Variants in FRK observed in about 807,000 individuals in gnomAD.
FRK encodes fyn related Src family tyrosine kinase.
A neutral mutation model predicts 56.4 loss-of-function variants in FRK; 51 were observed. The observed-to-expected ratio is 0.90, with a 90% confidence interval of 0.72 to 1.14. The LOEUF (loss-of-function observed/expected upper bound fraction) is 1.14. Ranked by LOEUF, FRK falls within the 50% of genes most tolerant of loss-of-function variation. FRK has a pLI of 0.00. For synonymous variants in FRK, 245 were observed against 217.9 expected (o/e 1.12, Z -1.10); for missense variants, 570 against 601.4 (o/e 0.95, Z 0.55).
chr6:115,957,258 G>T (rs896009932), intron 4 of FRK, among the ~76,000 whole-genome samples: 2 of 152,140 alleles, frequency 1.3e-5, no homozygotes, highest in Non-Finnish European at 2.9e-5. Flanking sequence ...AAATGGAGGA[G>T]AGACAATATT....
chr6:115,990,460 G>A (rs958664655), intron 2 of FRK, among the ~76,000 whole-genome samples: 1 of 151,938 alleles, frequency 6.6e-6, no homozygotes, highest in East Asian at 1.9e-4. Flanking sequence ...TGTATTTAGA[G>A]AGAGGGGTCC....
At chr6:115,978,230 T>C (rs1021022732) in intron 2 of FRK, among the ~76,000 whole-genome samples, 2 of 152,192 alleles carry the variant, frequency 1.3e-5, no homozygotes, top group Non-Finnish European at 2.9e-5. Flanking sequence ...TGTATCTACT[T>C]TTCAAAACTT....
chr6:116,097,451 C>T, the FRK span, among the ~76,000 whole-genome samples: 1 of 152,042 alleles, frequency 6.6e-6, no homozygotes, highest in Non-Finnish European at 1.5e-5. Context: ...AAGAAACAGG[C>T]CATTTCCCTC....
At chr6:116,041,016 G>A (rs1776687832) in intron 1 of FRK, among the ~76,000 whole-genome samples, 1 of 151,954 alleles carries the variant, frequency 6.6e-6, no homozygotes, top group Non-Finnish European at 1.5e-5. Flanking sequence ...TTATCTATTG[G>A]GATTCTTTGG....
chr6:115,943,137 C>G lies in FRK; in HGVS notation c.1189G>C (p.Val397Leu). The G allele has an allele frequency of 6.2e-7, 1 of 1,612,934 alleles. No homozygotes were observed. Among genetic ancestry groups the G allele is most frequent in the Non-Finnish European group, 8.5e-7 (1 of 1,179,470 alleles). ...ATGGCTTCGGGCGCAGTCCACTTCA[C>G]CGGCAGCTTTATTTCGTGTCTAGAT... ...YESRHEIKLP[V>L]KWTAPEAIRS... The change falls in exon 7 of 8, where the codon GTG becomes CTG. Residue 397 changes from valine to leucine, a missense_variant. Coordinates refer to ENST00000606080, the MANE Select transcript of FRK (RefSeq NM_002031.3).
the FRK span, among the ~76,000 whole-genome samples, chr6:116,081,887 A>G: frequency 3.3e-5 from 5 of 152,112 alleles, no homozygotes; most frequent in Non-Finnish European, 5.9e-5. Flanking sequence ...TTCTGTCCTC[A>G]TGGAGATTTA....
rs763527245 is a variant in FRK, at chr6:116,003,935, CT to C, written c.407del (p.Lys136ArgfsTer6). 2 of 1,613,232 alleles carry C rather than the reference CT, an allele frequency of 1.2e-6. No homozygotes were observed. Among genetic ancestry groups the C allele is most frequent in the Non-Finnish European group, 1.7e-6 (2 of 1,179,466 alleles). ...TTTCTCTGATTAGAAAGGAACCGGT[CT>C]TGTTTTCTGAATATAATAGTTGTTT... ...AEKQLLYSEN[K>X]TGSFLIRESE... On this transcript the variant is annotated frameshift_variant, in exon 2 of 8. Transcript: ENST00000606080. LOFTEE classifies it high-confidence loss of function.
At chr6:116,080,241 C>T in the FRK span, among the ~76,000 whole-genome samples, 1 of 152,090 alleles carries the variant, frequency 6.6e-6, no homozygotes, top group Non-Finnish European at 1.5e-5. Flanking sequence ...CTGCAACCTC[C>T]GAATCCCAGG....
Position 116,038,346 on chromosome 6 carries a change from A to T in FRK, c.344+21622T>A, listed in dbSNP as rs1311756440. Reference sequence around the variant, plus strand: ...ATGTCAAGACTGATCATTATTATTCATGTATTAGAGTAGGCTAAAATAGCA... The same window carrying T: ...ATGTCAAGACTGATCATTATTATTCTTGTATTAGAGTAGGCTAAAATAGCA... On this transcript the variant is annotated intron_variant, in intron 1 of 7. Transcript: ENST00000606080. 7.9e-5 allele frequency among the ~76,000 whole-genome samples: 12 copies of T among 152,274 alleles called. No homozygotes were observed. In the East Asian group the frequency reaches 2.3e-3, roughly 29 times the overall value.
intron 1 of FRK, among the ~76,000 whole-genome samples, chr6:116,030,931 T>C (rs1388063073): frequency 6.6e-6 from 1 of 152,106 alleles, no homozygotes; most frequent in Non-Finnish European, 1.5e-5. Context: ...GCCCTTAAGC[T>C]GTGCAGTCAG....
rs562162210 is a variant in FRK at position 115,937,370 on chromosome 6, A to G, written c.*5044T>C. On this transcript the variant is annotated 3_prime_UTR_variant, in exon 8 of 8. Coordinates refer to ENST00000606080, the MANE Select transcript of FRK (RefSeq NM_002031.3). ...ACAATCAATACCAGCCACTGCAAAA[A>G]CATACCAAATTGTAAAGATCATCGA... 1.3e-5 allele frequency: 2 copies of G among 152,362 alleles called. No homozygotes were observed. Among genetic ancestry groups the G allele is most frequent in the South Asian group, 4.1e-4 (2 of 4,830 alleles). The allele number at this position is 152,362 out of a possible 1,614,324, so 9.4% of individuals were successfully genotyped here.
intron 1 of FRK, among the ~76,000 whole-genome samples, chr6:116,007,374 A>G (rs1775282277): frequency 6.6e-6 from 1 of 152,180 alleles, no homozygotes; most frequent in South Asian, 2.1e-4. Flanking sequence ...GAGGAAACTC[A>G]GGCCCAGGGA....
the FRK span, among the ~76,000 whole-genome samples, chr6:116,098,945 T>G: frequency 6.6e-6 from 1 of 152,212 alleles, no homozygotes; most frequent in Non-Finnish European, 1.5e-5. Context: ...GCCTCTAGGA[T>G]TGGATCATTT....
At chr6:116,024,512 G>C (rs1011621986) in intron 1 of FRK, among the ~76,000 whole-genome samples, 2 of 151,052 alleles carry the variant, frequency 1.3e-5, no homozygotes, top group Non-Finnish European at 2.9e-5. Flanking sequence ...GAGAATATGC[G>C]GTGTTTGGTT....
intron 1 of FRK, among the ~76,000 whole-genome samples, chr6:116,050,399 A>G (rs1185421596): frequency 1.3e-5 from 2 of 152,182 alleles, no homozygotes; most frequent in African/African-American, 4.8e-5. Context: ...CATCTTTCTC[A>G]ATAAGATTTA....
chr6:115,958,779 G>A (rs866874889), intron 4 of FRK, among the ~76,000 whole-genome samples: 9 of 82,584 alleles, frequency 1.1e-4, no homozygotes, highest in African/African-American at 4.3e-4. Context: ...GGGGGGGGAA[G>A]GAGAGAGAGA....
chr6:115,982,016 G>A (rs762017336), intron 2 of FRK, among the ~76,000 whole-genome samples: 4 of 152,046 alleles, frequency 2.6e-5, no homozygotes, highest in Non-Finnish European at 5.9e-5. Flanking sequence ...GAAATGCCTT[G>A]ATAGCTAGTA....
rs150683536 is a variant in FRK, at chr6:115,978,641, C to G, written c.467-9902G>C. Reference sequence around the variant, plus strand: ...TAAAGATGTTTCAGTCAACAACAGCCTGCATAAATGATGGTGGTTCCATAA... The same window carrying G: ...TAAAGATGTTTCAGTCAACAACAGCGTGCATAAATGATGGTGGTTCCATAA... On this transcript the variant is annotated intron_variant, in intron 2 of 7. Transcript: ENST00000606080. 6.5e-4 allele frequency among the ~76,000 whole-genome samples: 99 copies of G among 152,220 alleles called. 1 individual carries two copies. The highest frequency in any genetic ancestry group is 2.3e-3 in the African/African-American group (97 of 41,546).
intron 1 of FRK, among the ~76,000 whole-genome samples, chr6:116,052,211 C>T (rs1366394535): frequency 1.3e-5 from 2 of 152,140 alleles, no homozygotes; most frequent in Admixed American, 1.3e-4. Context: ...TGGATTAGAG[C>T]AACTAATTTC....
Sources: allele counts gnomAD v4.1 joint callset (sites outside exome capture counted in the v4.1 genomes callset), GRCh38; gene constraint gnomAD v4.1.1; transcripts MANE v1.5; gene names NCBI Gene and HGNC (gene_info 2026-07-23, HGNC 2026-07-21).